The following KANK1 variants were observed in gnomAD, a reference collection of about 807,000 sequenced individuals.
KANK1 encodes the protein KN motif and ankyrin repeat domain-containing protein 1.
Under a neutral mutation model 106.2 loss-of-function variants are expected in KANK1, and 109 were observed. The observed-to-expected ratio is 1.03, with a 90% CI of 0.88 to 1.20. The LOEUF is 1.20. Among genes scored for constraint, KANK1 ranks in the 50% most tolerant of loss-of-function variants. The pLI, the probability that KANK1 is intolerant of heterozygous loss-of-function variation, is 0.00. For missense variants in KANK1, 2,399 were observed against 1,710.7 expected (o/e 1.40, Z -7.10); for synonymous variants, 873 against 652.2 (o/e 1.34, Z -5.16).
chr9:650,297 G>A (rs1840600483), intron 1 of KANK1, among the ~76,000 whole-genome samples: 1 of 152,140 alleles, frequency 6.6e-6, no homozygotes, highest in Admixed American at 6.5e-5. Flanking sequence ...TTTAATTCTT[G>A]CAAAGTGAAA....
intron 1 of KANK1, among the ~76,000 whole-genome samples, chr9:577,806 GGCTTTAC>G (rs1563799439): frequency 2.0e-5 from 3 of 152,252 alleles, no homozygotes; most frequent in African/African-American, 7.2e-5. Context: ...GAGAACCACT[GGCTTTAC>G]GCATGAGAAG....
intron 1 of KANK1, among the ~76,000 whole-genome samples, chr9:628,076 T>A (rs1384690163): frequency 2.0e-5 from 3 of 152,242 alleles, no homozygotes; most frequent in Non-Finnish European, 4.4e-5. Context: ...ATACAGTTGC[T>A]TATTTCATTT....
intron 3 of KANK1, among the ~76,000 whole-genome samples, chr9:476,968 T>G (rs1165054638): frequency 1.3e-5 from 2 of 152,182 alleles, no homozygotes; most frequent in African/African-American, 4.8e-5. Context: ...AAGTCTCCTT[T>G]CCTAAGATCC....
At chr9:695,293 A>G (rs2018255) in intron 2 of KANK1, among the ~76,000 whole-genome samples, 108,583 of 152,000 alleles carry the variant, frequency 0.71, 39,502 homozygotes, top group Middle Eastern at 0.81. Context: ...GTTCAGAATA[A>G]TCGGCACTCA....
chr9:530,127 A>C (rs2059991542), intron 1 of KANK1, among the ~76,000 whole-genome samples: 1 of 152,178 alleles, frequency 6.6e-6, no homozygotes, highest in African/African-American at 2.4e-5. Context: ...AAGTTGTATG[A>C]CATTATACCT....
At chr9:600,206 C>G (rs78162120) in intron 1 of KANK1, among the ~76,000 whole-genome samples, 3 of 151,838 alleles carry the variant, frequency 2.0e-5, no homozygotes, top group South Asian at 2.1e-4. Context: ...TCCCCACCCC[C>G]CTCTTCCCCT....
intron 7 of KANK1, among the ~76,000 whole-genome samples, 163 bp from the exon 8 acceptor site, chr9:738,122 C>T (rs1834280097): frequency 6.6e-6 from 1 of 152,144 alleles, no homozygotes; most frequent in Non-Finnish European, 1.5e-5. Context: ...AGAAATGTCC[C>T]AGTTTGGTGT....
intron 2 of KANK1, chr9:686,757 G>A (rs1257168113): frequency 2.0e-6 from 2 of 985,254 alleles, no homozygotes; most frequent in Non-Finnish European, 2.4e-6. Flanking sequence ...TATCCGGTAA[G>A]GGATCTGAGT....
At chr9:684,318 C>T (rs922125177) in intron 2 of KANK1, 9 of 985,248 alleles carry the variant, frequency 9.1e-6, no homozygotes, top group Middle Eastern at 5.2e-4. Context: ...AAAATCTGTG[C>T]TCCTGCTCCT....
chr9:643,616 C>T (rs1168778159), intron 1 of KANK1, among the ~76,000 whole-genome samples: 1 of 136,790 alleles, frequency 7.3e-6, no homozygotes, highest in Non-Finnish European at 1.5e-5. Context: ...AACTCCTGGG[C>T]CAATCCTCCT....
intron 1 of KANK1, among the ~76,000 whole-genome samples, chr9:550,023 A>G (rs1298163311): frequency 6.6e-6 from 1 of 152,146 alleles, no homozygotes; most frequent in Non-Finnish European, 1.5e-5. Flanking sequence ...TCCTTTCCAC[A>G]TAACTGACAC....
rs759782885 is a variant in KANK1 at position 731,168 on chromosome 9, CAATG to C, written c.2910_2913del (p.Asn970LysfsTer4). The C allele has an allele frequency of 3.7e-6, 6 of 1,601,142 alleles. No homozygotes were observed. The highest frequency in any genetic ancestry group is 3.4e-5 in the Admixed American group (2 of 59,644). On this transcript the variant is annotated frameshift_variant, in exon 5 of 12. Coordinates refer to ENST00000382297, the MANE Select transcript of KANK1 (RefSeq NM_015158.5). LOFTEE classifies it high-confidence loss of function. ...TTGACTTTTTCACAGCATGTACAAA[CAATG>C]AAAGTACACTGAAGTCCATCATGAA...
intron 1 of KANK1, among the ~76,000 whole-genome samples, chr9:588,452 A>G (rs1392373444): frequency 6.6e-6 from 1 of 152,150 alleles, no homozygotes; most frequent in Admixed American, 6.5e-5. Context: ...TCAGGTGTTG[A>G]TGTATTCTGT....
intron 1 of KANK1, among the ~76,000 whole-genome samples, chr9:541,574 G>C (rs1049033629): frequency 2.6e-5 from 4 of 152,080 alleles, no homozygotes; most frequent in African/African-American, 7.2e-5. Context: ...TGATGTTTTG[G>C]ATATGACCTC....
intron 1 of KANK1, among the ~76,000 whole-genome samples, chr9:525,881 T>TA (rs75639713): frequency 3.3e-5 from 5 of 150,772 alleles, no homozygotes; most frequent in African/African-American, 7.4e-5. Flanking sequence ...CAGTTAGTTT[T>TA]AAAAAAAAAT....
chr9:683,070 A>G (rs1817888136), intron 2 of KANK1, among the ~76,000 whole-genome samples: 1 of 152,136 alleles, frequency 6.6e-6, no homozygotes, highest in Non-Finnish European at 1.5e-5. Flanking sequence ...GTTTTCTGAG[A>G]TCATCTGTAA....
chr9:656,431 G>C (rs1842157830), intron 1 of KANK1, among the ~76,000 whole-genome samples: 1 of 152,180 alleles, frequency 6.6e-6, no homozygotes, highest in Non-Finnish European at 1.5e-5. Flanking sequence ...GTGGGGCTGA[G>C]CCAGTGGTCT....
chr9:538,905 C>T (rs932228290), intron 1 of KANK1, among the ~76,000 whole-genome samples: 7 of 152,214 alleles, frequency 4.6e-5, no homozygotes, highest in South Asian at 4.1e-4. Context: ...TTTTTTGAGA[C>T]AGTCTCACTG....
intron 1 of KANK1, among the ~76,000 whole-genome samples, chr9:577,382 G>A (rs1820856645): frequency 6.6e-6 from 1 of 152,092 alleles, no homozygotes; most frequent in Non-Finnish European, 1.5e-5. Flanking sequence ...ACAGAGTGCT[G>A]ACTGGTGTGT....
Sources: allele counts gnomAD v4.1 joint callset (sites outside exome capture counted in the v4.1 genomes callset), GRCh38; gene constraint gnomAD v4.1.1; transcripts MANE v1.5; gene names NCBI Gene and HGNC (gene_info 2026-07-23, HGNC 2026-07-21).